The following AP2S1 variants were observed in gnomAD, a reference collection of about 807,000 sequenced individuals.
AP2S1 encodes the protein adaptor related protein complex 2 subunit sigma 1, also known as AP-2 complex subunit sigma.
Under a neutral mutation model 21.0 loss-of-function variants are expected in AP2S1, and 6 were observed. That is an observed-to-expected ratio of 0.29 (90% CI 0.16 to 0.56). AP2S1 has a LOEUF of 0.56. Ranked by LOEUF, AP2S1 falls within the 20% of genes least tolerant of loss-of-function variation. The pLI is 0.92. For missense variants in AP2S1, 60 were observed against 186.2 expected (o/e 0.32, Z 3.95); for synonymous variants, 63 against 74.6 (o/e 0.84, Z 0.80).
At chr19:46,840,258 A>C (rs1206746928) in intron 2 of AP2S1, among the ~76,000 whole-genome samples, 2 of 151,714 alleles carry the variant, frequency 1.3e-5, no homozygotes, top group Non-Finnish European at 2.9e-5. Flanking sequence ...GCGCGTGTTA[A>C]GTAGACAAAG....
intron 2 of AP2S1, among the ~76,000 whole-genome samples, chr19:46,844,760 A>G (rs1365523359): frequency 6.6e-6 from 1 of 152,062 alleles, no homozygotes; most frequent in Non-Finnish European, 1.5e-5. Flanking sequence ...TGTTCGTGCC[A>G]CTGCACTCCC....
chr19:46,842,517 CTGGA>C (rs1312346922), intron 2 of AP2S1, among the ~76,000 whole-genome samples: 13 of 152,178 alleles, frequency 8.5e-5, no homozygotes, highest in Non-Finnish European at 1.2e-4. Context: ...ATGGGCGGGC[CTGGA>C]TCCTGGAGGC....
At chr19:46,850,649 G>T in intron 1 of AP2S1, 115 bp downstream of exon 1, 1 of 1,013,836 alleles carries the variant, frequency 9.9e-7, no homozygotes, top group Non-Finnish European at 1.5e-6. Context: ...CAGAGCCCGC[G>T]CCTGACCCAG....
chr19:46,849,316 C>T (rs2055692847), intron 1 of AP2S1, among the ~76,000 whole-genome samples: 1 of 150,202 alleles, frequency 6.7e-6, no homozygotes, highest in South Asian at 2.1e-4. Flanking sequence ...GAGAGTCTTT[C>T]CTAAGCCTCA....
intron 2 of AP2S1, among the ~76,000 whole-genome samples, chr19:46,844,014 G>A (rs968867779): frequency 2.6e-5 from 4 of 151,980 alleles, no homozygotes; most frequent in African/African-American, 7.2e-5. Context: ...GGATTCAAGC[G>A]ATTCTCCTGC....
intron 2 of AP2S1, among the ~76,000 whole-genome samples, chr19:46,842,795 C>T (rs1284836844): frequency 6.6e-6 from 1 of 152,140 alleles, no homozygotes; most frequent in Non-Finnish European, 1.5e-5. Flanking sequence ...CAACCCTGTC[C>T]CCCTCCTGGC....
chr19:46,848,574 T>A (rs939606803), intron 1 of AP2S1, among the ~76,000 whole-genome samples: 2 of 152,172 alleles, frequency 1.3e-5, no homozygotes, highest in Non-Finnish European at 2.9e-5. Flanking sequence ...ATTTTATAGA[T>A]GAGGAAACTG....
At chr19:46,840,168 T>C (rs118136899) in intron 2 of AP2S1, among the ~76,000 whole-genome samples, 75 of 151,850 alleles carry the variant, frequency 4.9e-4, no homozygotes, top group East Asian at 1.9e-3. Context: ...TGAAATGCGA[T>C]ATACACAGTT....
At position 46,838,203 on chromosome 19, in the gene AP2S1, C is replaced by T; in HGVS notation, c.*244G>A. ...CCACAGGTTTATTGGGGACTCCACG[C>T]ACAGACGCTTATGGCATCACACGAC... On this transcript the variant is annotated 3_prime_UTR_variant, in exon 5 of 5. Coordinates refer to ENST00000263270, the MANE Select transcript of AP2S1 (RefSeq NM_004069.6). The surrounding 1 kb of genome is among the most constrained non-coding windows in gnomAD (Gnocchi z 4.1). The T allele has an allele frequency of 1.8e-6, 1 of 556,928 alleles. No individual in the cohort carries two copies. Among genetic ancestry groups the T allele is most frequent in the South Asian group, 2.1e-5 (1 of 48,638 alleles). 34.5% of individuals were successfully genotyped at this position (556,928 alleles called of 1,614,324 possible). A position where few individuals can be genotyped will look rare whatever the true frequency, so the allele number is the denominator to read the frequency against.
intron 2 of AP2S1, among the ~76,000 whole-genome samples, chr19:46,840,092 A>G (rs1181796067): frequency 3.9e-5 from 6 of 152,084 alleles, no homozygotes; most frequent in Admixed American, 2.6e-4. Context: ...GGCCTGTGAT[A>G]GGCAGTGTGG....
intron 1 of AP2S1, among the ~76,000 whole-genome samples, chr19:46,847,472 C>T (rs969136374): frequency 6.6e-6 from 1 of 152,092 alleles, no homozygotes; most frequent in Non-Finnish European, 1.5e-5. Context: ...CCCACCTCAT[C>T]CCCCCAAAGT....
chr19:46,839,286 CAAAAAAAAAAAAA>C (rs771792607), intron 3 of AP2S1, among the ~76,000 whole-genome samples, 166 bp downstream of exon 3: 19,256 of 73,014 alleles, frequency 0.26, 2,027 homozygotes, highest in East Asian at 0.57. Flanking sequence ...GACTCCGTCT[CAAAAAAAAAAAAA>C]AAAAAAAAAA....
chr19:46,850,676 A>G, intron 1 of AP2S1, 88 bp downstream of exon 1: 1 of 1,200,520 alleles, frequency 8.3e-7, no homozygotes, highest in East Asian at 2.5e-5. Flanking sequence ...CGCGGCAGAG[A>G]AGGGACTTGT....
chr19:46,841,080 AGTAGCTAG>A (rs1396211548), intron 2 of AP2S1, among the ~76,000 whole-genome samples: 3 of 151,850 alleles, frequency 2.0e-5, no homozygotes, highest in Non-Finnish European at 2.9e-5. Context: ...CAGCCTCCTG[AGTAGCTAG>A]GAATACAGGT....
rs185343764 is a variant in AP2S1 at position 46,839,457 on chromosome 19, C to T, written c.267+8G>A. The stretch of plus-strand genomic sequence containing the variant: ...GCCTCCCCACCTTACATCCCTCTCC[C>T]GCCGTACCTCCACGAAGTTGTGAAT... On this transcript the variant is annotated splice_region_variant and intron_variant, in intron 3 of 4. Coordinates refer to ENST00000263270, the MANE Select transcript of AP2S1 (RefSeq NM_004069.6). 7.1e-5 allele frequency: 114 copies of T among 1,611,370 alleles called. No homozygotes were observed. The highest frequency in any genetic ancestry group is 1.3e-4 in the Admixed American group (8 of 59,902).
Position 46,838,692 on chromosome 19 carries a change from C to G in AP2S1, c.327+48G>C, listed in dbSNP as rs200237364. 1.6e-5 allele frequency: 26 copies of G among 1,604,320 alleles called. No homozygotes were observed. In the Admixed American group the frequency reaches 3.0e-4, roughly 19 times the overall value. On this transcript the variant is annotated intron_variant, in intron 4 of 4. Coordinates refer to ENST00000263270, the MANE Select transcript of AP2S1 (RefSeq NM_004069.6). This position sits in a 1 kb window ranked among gnomAD's most constrained non-coding sequence, Gnocchi z 4.1. ...TGGCTAGTGCACCACGGGTCCCCCC[C>G]GTCCCCCTCCTCTGGCTCCTTCAGC...
chr19:46,847,487 C>A (rs1337612215), intron 1 of AP2S1, among the ~76,000 whole-genome samples: 1 of 152,082 alleles, frequency 6.6e-6, no homozygotes, highest in Non-Finnish European at 1.5e-5. Context: ...CAAAGTGCTG[C>A]ATCAGGCGTG....
At chr19:46,849,100 G>T (rs1381733508) in intron 1 of AP2S1, among the ~76,000 whole-genome samples, 2 of 149,652 alleles carry the variant, frequency 1.3e-5, no homozygotes, top group African/African-American at 4.9e-5. Flanking sequence ...CTGCCTCCCG[G>T]GTTCAAGCGA....
intron 2 of AP2S1, among the ~76,000 whole-genome samples, chr19:46,842,661 C>T (rs1294217147): frequency 1.3e-5 from 2 of 152,130 alleles, no homozygotes; most frequent in Non-Finnish European, 2.9e-5. Flanking sequence ...CAGCACAGGA[C>T]CAGCCACTAC....
Sources: allele counts gnomAD v4.1 joint callset (sites outside exome capture counted in the v4.1 genomes callset), GRCh38; gene constraint gnomAD v4.1.1; non-coding constraint Gnocchi (gnomAD v3.1); transcripts MANE v1.5; gene names NCBI Gene and HGNC (gene_info 2026-07-23, HGNC 2026-07-21).